Variants in RBM47 observed in about 807,000 individuals in gnomAD.
RBM47 encodes the protein RNA-binding protein 47.
RBM47 carries 21 observed loss-of-function variants against 47.1 expected under a neutral mutation model. The ratio of observed to expected loss-of-function variants is 0.45; its 90% CI spans 0.32 to 0.64. The LOEUF (loss-of-function observed/expected upper bound fraction) is 0.64. RBM47 is among the 30% of genes least tolerant of loss of function. RBM47 has a pLI of 0.05. For synonymous variants in RBM47, 375 were observed against 361.7 expected (o/e 1.04, Z -0.42); for missense variants, 708 against 870.9 (o/e 0.81, Z 2.35).
At chr4:40,496,711 T>C (rs1722644001) in intron 2 of RBM47, among the ~76,000 whole-genome samples, 1 of 152,184 alleles carries the variant, frequency 6.6e-6, no homozygotes, top group Admixed American at 6.6e-5. Context: ...CCACCCTGGA[T>C]TGGAAAGTAG....
At chr4:40,616,111 G>T (rs1736691501) in intron 1 of RBM47, among the ~76,000 whole-genome samples, 1 of 152,146 alleles carries the variant, frequency 6.6e-6, no homozygotes, top group Admixed American at 6.5e-5. Flanking sequence ...CCAGCACTTT[G>T]GGAGGCCGAG....
chr4:40,432,725 C>T lies in RBM47; in HGVS notation c.1468G>A (p.Ala490Thr). The T allele has an allele frequency of 6.2e-7, 1 of 1,612,042 alleles. No homozygotes were observed. ...IAVQPDPASAAAAAAAAAAAA... is the reference protein window; with the variant it reads ...IAVQPDPASATAAAAAAAAAA... ...GCTGCGGCCGCGGCTGCGGCGGCAG[C>T]AGCACTGGCTGGGTCTGGCTGCACA... Residue 490 changes from alanine to threonine, a missense_variant, in exon 6 of 7, where the codon GCT (alanine) becomes ACT (threonine). Transcript: ENST00000295971.
intron 2 of RBM47, among the ~76,000 whole-genome samples, chr4:40,502,536 G>A (rs546289716): frequency 1.3e-5 from 2 of 152,266 alleles, no homozygotes; most frequent in Admixed American, 6.5e-5. Flanking sequence ...AGACTCCAAC[G>A]ACACAGAACT....
chr4:40,566,403 T>C (rs913652892), intron 1 of RBM47, among the ~76,000 whole-genome samples: 3 of 152,106 alleles, frequency 2.0e-5, no homozygotes, highest in Admixed American at 1.3e-4. Flanking sequence ...TCCCAGCACT[T>C]TGGGAGGCTG....
chr4:40,575,076 C>T (rs1282499242), intron 1 of RBM47, among the ~76,000 whole-genome samples: 3 of 152,094 alleles, frequency 2.0e-5, no homozygotes, highest in Admixed American at 6.5e-5. Flanking sequence ...GTGCTACTGG[C>T]TTCTAATAAG....
At chr4:40,535,371 C>CTTTTTTTTTTTTTTTTTTTCTTTTT (rs1177127352) in intron 2 of RBM47, among the ~76,000 whole-genome samples, 1 of 103,460 alleles carries the variant, frequency 9.7e-6, no homozygotes, top group Non-Finnish European at 1.9e-5. Flanking sequence ...TATGGTATTT[C>CTTTTTTTTTTTTTTTTTTTCTTTTT]TTTTTTTTTT....
At chr4:40,469,860 C>T (rs1490957135) in intron 2 of RBM47, among the ~76,000 whole-genome samples, 1 of 152,118 alleles carries the variant, frequency 6.6e-6, no homozygotes, top group Non-Finnish European at 1.5e-5. Flanking sequence ...GTCTCTAACT[C>T]TTAACCTCAA....
At position 40,436,456 on chromosome 4, in the gene RBM47, T is replaced by C. The variant is rs768324144; in HGVS notation, c.1315A>G (p.Ile439Val). Reference protein sequence around the residue: ...LEIPTVNPVAIKPGTVAIPAI... With the variant: ...LEIPTVNPVAVKPGTVAIPAI... ...TCATACTGACCTGTACCAGGTTTAATGGCAACTGGGTTGACGGTAGGGATT... is the reference window on the plus strand; with the variant it reads ...TCATACTGACCTGTACCAGGTTTAACGGCAACTGGGTTGACGGTAGGGATT... The change falls in exon 5 of 7, where the codon ATT (isoleucine) becomes GTT (valine). Residue 439 changes from isoleucine (I) to valine (V), a missense_variant. Coordinates refer to ENST00000295971, the MANE Select transcript of RBM47 (RefSeq NM_001098634.2). 4 of 1,613,744 alleles carry C rather than the reference T, an allele frequency of 2.5e-6. No homozygotes were observed. In the African/African-American group the frequency reaches 5.3e-5, roughly 22 times the overall value.
intron 3 of RBM47, among the ~76,000 whole-genome samples, chr4:40,450,992 G>A (rs1715337429): frequency 6.6e-6 from 1 of 152,080 alleles, no homozygotes; most frequent in Admixed American, 6.6e-5. Flanking sequence ...TAGAGAAGAA[G>A]TTGTTATTTT....
intron 2 of RBM47, among the ~76,000 whole-genome samples, chr4:40,490,401 A>G (rs1353366313): frequency 6.6e-6 from 1 of 152,210 alleles, no homozygotes; most frequent in Non-Finnish European, 1.5e-5. Flanking sequence ...GAATCCATTA[A>G]AAAATTATTA....
At chr4:40,475,233 A>G (rs1450757891) in intron 2 of RBM47, among the ~76,000 whole-genome samples, 1 of 152,210 alleles carries the variant, frequency 6.6e-6, no homozygotes, top group Non-Finnish European at 1.5e-5. Flanking sequence ...GCTAATTATC[A>G]TAAAGCTAAT....
intron 2 of RBM47, among the ~76,000 whole-genome samples, chr4:40,478,543 G>A (rs1180577165): frequency 6.6e-6 from 1 of 152,184 alleles, no homozygotes; most frequent in Non-Finnish European, 1.5e-5. Context: ...CAGGACTCAG[G>A]TCCAGGAGAG....
At chr4:40,609,515 G>A (rs1222158870) in intron 1 of RBM47, among the ~76,000 whole-genome samples, 5 of 149,362 alleles carry the variant, frequency 3.3e-5, no homozygotes, top group African/African-American at 1.2e-4. Flanking sequence ...GTTTCACCAT[G>A]TTGGCCAGGC....
chr4:40,570,378 T>TC, intron 1 of RBM47, among the ~76,000 whole-genome samples: 1 of 151,772 alleles, frequency 6.6e-6, no homozygotes, highest in Non-Finnish European at 1.5e-5. Context: ...TCATCAGGCA[T>TC]TAGATTCTCA....
chr4:40,550,470 A>T (rs1260550493), intron 1 of RBM47, among the ~76,000 whole-genome samples: 1 of 152,038 alleles, frequency 6.6e-6, no homozygotes, highest in Non-Finnish European at 1.5e-5. Flanking sequence ...CCATGCTGGA[A>T]TGTAGTGCTA....
chr4:40,538,781 GCAC>G (rs1266760292), intron 2 of RBM47, among the ~76,000 whole-genome samples: 4 of 151,944 alleles, frequency 2.6e-5, no homozygotes, highest in Non-Finnish European at 4.4e-5. Context: ...TTACAGATGT[GCAC>G]CACAACACCC....
chr4:40,527,616 G>A (rs1182545920), intron 2 of RBM47, among the ~76,000 whole-genome samples: 3 of 150,032 alleles, frequency 2.0e-5, no homozygotes, highest in African/African-American at 4.9e-5. Flanking sequence ...TAGTAAAGGC[G>A]GGGTTTCACC....
chr4:40,581,425 A>C lies in RBM47; in HGVS notation c.-239-36919T>G, dbSNP rs972382286. 4.6e-5 allele frequency among the ~76,000 whole-genome samples: 4 copies of C among 87,232 alleles called. No individual in the cohort carries two copies. In the South Asian group the frequency reaches 1.4e-3, roughly 31 times the overall value. 57.2% of individuals were successfully genotyped at this position (87,232 alleles called of 152,430 possible). On this transcript the variant is annotated intron_variant, in intron 1 of 6. Transcript: ENST00000295971. Reference sequence around the variant, plus strand: ...GACAGAGCGAGAACTTGTCTCAAAAAAAAAGTAATAATAAATAAATAAATA... The same window carrying C: ...GACAGAGCGAGAACTTGTCTCAAAACAAAAGTAATAATAAATAAATAAATA...
intron 2 of RBM47, among the ~76,000 whole-genome samples, chr4:40,528,952 ATAAAT>A (rs1727063699): frequency 9.5e-6 from 1 of 104,760 alleles, no homozygotes; most frequent in East Asian, 2.1e-4. Context: ...CAAAAAAAAA[ATAAAT>A]AAATAAATAA....
Sources: gnomAD v4.1 joint callset for allele counts (sites outside exome capture counted in the v4.1 genomes callset) on GRCh38, gnomAD v4.1.1 for gene constraint, MANE v1.5 for transcripts, NCBI Gene and HGNC (gene_info 2026-07-23, HGNC 2026-07-21) for gene names.